CDH23: variants seen among roughly 807,000 people sequenced by gnomAD.
CDH23 encodes cadherin-23.
Under a neutral mutation model 317.1 loss-of-function variants are expected in CDH23, and 189 were observed. The ratio of observed to expected loss-of-function variants is 0.60; its 90% CI spans 0.53 to 0.67. The LOEUF (loss-of-function observed/expected upper bound fraction) is 0.67. Ranked by LOEUF, CDH23 falls within the 30% of genes least tolerant of loss-of-function variation. The pLI is 0.00. For missense variants in CDH23, 4,401 were observed against 4,592.4 expected (o/e 0.96, Z 1.20); for synonymous variants, 1,839 against 1,876.8 (o/e 0.98, Z 0.52).
intron 6 of CDH23, among the ~76,000 whole-genome samples, chr10:71,515,394 T>TCTCTCTCTCTCTCACACA (rs1491490493): frequency 1.3e-3 from 35 of 26,690 alleles, no homozygotes; most frequent in African/African-American, 2.5e-3. Flanking sequence ...TCTCTCTCTC[T>TCTCTCTCTCTCTCACACA]CACACACACA....
At chr10:71,639,213 C>T (rs1427509708) in intron 11 of CDH23, among the ~76,000 whole-genome samples, 3 of 152,198 alleles carry the variant, frequency 2.0e-5, no homozygotes, top group African/African-American at 7.2e-5. Flanking sequence ...AATCCACAGG[C>T]TCCTCTCCAC....
At chr10:71,510,547 C>T (rs1256429107) in intron 4 of CDH23, among the ~76,000 whole-genome samples, 2 of 151,978 alleles carry the variant, frequency 1.3e-5, no homozygotes, top group African/African-American at 4.8e-5. Context: ...AACATTCCCC[C>T]AATATCCAGA....
chr10:71,702,156 C>G lies in CDH23; in HGVS notation c.2532C>G (p.Asn844Lys). The G allele has an allele frequency of 6.2e-7, 1 of 1,613,904 alleles. No individual in the cohort carries two copies. Residue 844 changes from asparagine to lysine, a missense_variant, in exon 23 of 70, where the codon AAC (asparagine) becomes AAG (lysine). By Grantham distance (94) the Asn-to-Lys change is moderately conservative (BLOSUM62 0). Coordinates refer to ENST00000224721, the MANE Select transcript of CDH23 (RefSeq NM_022124.6). Reference protein sequence around the residue: ...RTTHAMLDRENPDPHEAELMR... With the variant: ...RTTHAMLDREKPDPHEAELMR... ...CCCACGCCATGCTGGACCGGGAGAA[C>G]CCCGACCCCCATGAGGCCGAGCTGA...
intron 38 of CDH23, among the ~76,000 whole-genome samples, chr10:71,758,257 T>C (rs1455127399): frequency 6.6e-6 from 1 of 152,210 alleles, no homozygotes; most frequent in African/African-American, 2.4e-5. Flanking sequence ...TTGGGTTTTG[T>C]TGGGTCCGTG....
chr10:71,452,511 C>T (rs1850498874), intron 3 of CDH23, among the ~76,000 whole-genome samples: 1 of 152,118 alleles, frequency 6.6e-6, no homozygotes, highest in Non-Finnish European at 1.5e-5. Flanking sequence ...GGTGCCCTTT[C>T]CCTTCCCTGC....
At chr10:71,649,565 C>T (rs1490926732) in intron 14 of CDH23, among the ~76,000 whole-genome samples, 3 of 152,118 alleles carry the variant, frequency 2.0e-5, no homozygotes, top group Non-Finnish European at 4.4e-5. Context: ...GACTTTCTCA[C>T]CTCCCAGGTC....
chr10:71,764,682 A>C (rs1483743599), intron 38 of CDH23, among the ~76,000 whole-genome samples: 1 of 152,086 alleles, frequency 6.6e-6, no homozygotes, highest in Non-Finnish European at 1.5e-5. Context: ...CTCCCTAATA[A>C]TTCCACCTGG....
rs1849006230 is a variant in CDH23, at chr10:71,425,232, G to GA, written c.-5-14595_-5-14594insA. Among the ~76,000 whole-genome samples the GA allele has an allele frequency of 2.6e-3, 192 of 73,956 alleles. 25 individuals carry two copies. The highest frequency in any genetic ancestry group is 3.1e-3 in the Admixed American group (20 of 6,514). 48.5% of individuals were successfully genotyped at this position (73,956 alleles called of 152,430 possible). ...ATCACAGTGGGGCAGAGAGAGAGAG[G>GA]GAGAGAGAGAGAGAGAGAGAGAGAG... On this transcript the variant is annotated intron_variant, in intron 1 of 69. Coordinates refer to ENST00000224721, the MANE Select transcript of CDH23 (RefSeq NM_022124.6).
At chr10:71,565,733 T>G (rs1038962182) in intron 6 of CDH23, among the ~76,000 whole-genome samples, 4 of 152,204 alleles carry the variant, frequency 2.6e-5, no homozygotes, top group African/African-American at 9.6e-5. Context: ...TTCTTCACAC[T>G]AACCCTGTGA....
intron 14 of CDH23, among the ~76,000 whole-genome samples, chr10:71,662,716 G>A (rs1394047501): frequency 6.6e-6 from 1 of 152,198 alleles, no homozygotes; most frequent in South Asian, 2.1e-4. Context: ...TGGCCCCAGA[G>A]AGGGCCCAAG....
intron 24 of CDH23, among the ~76,000 whole-genome samples, chr10:71,703,140 C>T (rs1865655556): frequency 6.6e-6 from 1 of 152,154 alleles, no homozygotes; most frequent in African/African-American, 2.4e-5. Context: ...GAGACTTGCC[C>T]AAGACCCCTT....
chr10:71,405,774 G>A (rs1848068828), intron 1 of CDH23, among the ~76,000 whole-genome samples: 1 of 152,104 alleles, frequency 6.6e-6, no homozygotes, highest in South Asian at 2.1e-4. Flanking sequence ...GAACATAACT[G>A]GGTGGTGGGG....
At chr10:71,547,112 C>T (rs143597660) in intron 6 of CDH23, among the ~76,000 whole-genome samples, 26 of 152,320 alleles carry the variant, frequency 1.7e-4, no homozygotes, top group Admixed American at 3.3e-4. Flanking sequence ...AAGGAGCTTA[C>T]AGTCTAGTGG....
intron 3 of CDH23, among the ~76,000 whole-genome samples, chr10:71,489,021 G>A (rs1383627847): frequency 1.3e-5 from 2 of 152,148 alleles, no homozygotes; most frequent in African/African-American, 4.8e-5. Flanking sequence ...AAAATACTCT[G>A]TTTTTCTTTG....
At chr10:71,801,660 G>A (rs1841561941) in intron 53 of CDH23, among the ~76,000 whole-genome samples, 1 of 152,076 alleles carries the variant, frequency 6.6e-6, no homozygotes, top group Non-Finnish European at 1.5e-5. Context: ...TCTGTATGCA[G>A]TACTCACTTC....
intron 8 of CDH23, among the ~76,000 whole-genome samples, chr10:71,577,616 C>T (rs559883859): frequency 6.6e-6 from 1 of 152,300 alleles, no homozygotes; most frequent in South Asian, 2.1e-4. Context: ...CTTGTCTCTT[C>T]GCTGGATGCC....
At chr10:71,792,809 A>C (rs527538234) in intron 47 of CDH23, among the ~76,000 whole-genome samples, 1 of 128,018 alleles carries the variant, frequency 7.8e-6, no homozygotes, top group Non-Finnish European at 1.6e-5. Flanking sequence ...GTGACAGTGT[A>C]AGACTCCATC....
In CDH23 at chr10:71,805,824, A is replaced by C. The variant is rs372692810; in HGVS notation, c.7891A>C (p.Asn2631His). The C allele has an allele frequency of 7.4e-6, 12 of 1,613,528 alleles. 1 individual carries two copies. In the Admixed American group the frequency reaches 8.3e-5, roughly 11 times the overall value. ...CCCACAGGAGATCCCGCTGCGCTCCAACGTGTACGAGGTCTACGCCACGGA... is the reference window on the plus strand; with the variant it reads ...CCCACAGGAGATCCCGCTGCGCTCCCACGTGTACGAGGTCTACGCCACGGA... ...HIREEIPLRS[N>H]VYEVYATDKD... Residue 2631 changes from asparagine to histidine, a missense_variant, in exon 56 of 70, where the codon AAC (asparagine) becomes CAC (histidine). Physicochemically the swap from Asn to His is moderately conservative, Grantham distance 68 (BLOSUM62 1). Around this residue, in one of 3 missense-constraint regions of CDH23, gnomAD observed 1,144 missense variants for 1,138.2 expected, o/e 1.01. Transcript: ENST00000224721.
chr10:71,419,097 G>T (rs1334971843), intron 1 of CDH23, among the ~76,000 whole-genome samples: 1 of 152,130 alleles, frequency 6.6e-6, no homozygotes, highest in African/African-American at 2.4e-5. Flanking sequence ...GGGGACTGAG[G>T]GTTAGTGTTC....
Sources: allele counts gnomAD v4.1 joint callset (sites outside exome capture counted in the v4.1 genomes callset), GRCh38; gene constraint gnomAD v4.1.1; regional missense constraint gnomAD v4.1.1; transcripts MANE v1.5; gene names NCBI Gene and HGNC (gene_info 2026-07-23, HGNC 2026-07-21).